Variants in TTLL5 observed in about 807,000 individuals in gnomAD.
The protein encoded by TTLL5 is tubulin tyrosine ligase like 5.
Under a neutral mutation model 168.4 loss-of-function variants are expected in TTLL5, and 132 were observed. The ratio of observed to expected loss-of-function variants is 0.78; its 90% confidence interval spans 0.68 to 0.91. The LOEUF (loss-of-function observed/expected upper bound fraction) is 0.91, where lower values mean the gene tolerates loss of function less well. Among genes scored for constraint, TTLL5 ranks in the 40% least tolerant of loss-of-function variants. The pLI, the probability that TTLL5 is intolerant of heterozygous loss-of-function variation, is 0.00. For synonymous variants in TTLL5, 546 were observed against 558.6 expected (o/e 0.98, Z 0.32); for missense variants, 1,545 against 1,581.5 (o/e 0.98, Z 0.39).
intron 18 of TTLL5, 139 bp from the exon 19 acceptor site, chr14:75,764,476 C>T (rs1036180904): frequency 3.1e-6 from 3 of 981,870 alleles, no homozygotes; most frequent in Admixed American, 2.4e-5. Context: ...TAGTGTTCCT[C>T]TTTATCTGTC....
chr14:75,860,028 T>C (rs1169103024), intron 28 of TTLL5, among the ~76,000 whole-genome samples: 2 of 152,216 alleles, frequency 1.3e-5, no homozygotes, highest in African/African-American at 4.8e-5. Context: ...GCTAAAAGCC[T>C]CTACTTGCTT....
intron 28 of TTLL5, among the ~76,000 whole-genome samples, chr14:75,832,744 G>A (rs1459282360): frequency 3.3e-5 from 5 of 152,122 alleles, no homozygotes; most frequent in African/African-American, 9.7e-5. Flanking sequence ...CCAGAATTGA[G>A]GTAAATCACC....
At chr14:75,722,926 T>G (rs9323619) in intron 12 of TTLL5, among the ~76,000 whole-genome samples, 113,870 of 152,110 alleles carry the variant, frequency 0.75, 42,900 homozygotes, top group Admixed American at 0.8. Flanking sequence ...TGTCACTTCT[T>G]TGGTGATGTT....
At chr14:75,805,081 C>G (rs1284838560) in intron 27 of TTLL5, among the ~76,000 whole-genome samples, 2 of 152,216 alleles carry the variant, frequency 1.3e-5, no homozygotes, top group African/African-American at 4.8e-5. Context: ...TACACACTTG[C>G]TCTTGCAGTC....
intron 29 of TTLL5, among the ~76,000 whole-genome samples, chr14:75,872,461 C>T (rs1285342690): frequency 2.0e-5 from 3 of 152,192 alleles, no homozygotes; most frequent in African/African-American, 7.2e-5. Context: ...CAGCTTACTA[C>T]TCAGTACCTC....
chr14:75,746,497 C>CT (rs1485367971), intron 17 of TTLL5, among the ~76,000 whole-genome samples: 1 of 149,966 alleles, frequency 6.7e-6, no homozygotes, highest in Non-Finnish European at 1.5e-5. Context: ...TGCATAATGT[C>CT]TTTTTTTCCC....
At chr14:75,945,716 A>G (rs2034752361) in intron 31 of TTLL5, among the ~76,000 whole-genome samples, 1 of 147,614 alleles carries the variant, frequency 6.8e-6, no homozygotes, top group Non-Finnish European at 1.5e-5. Flanking sequence ...AAATGGGACA[A>G]CATTTGAAGA....
intron 29 of TTLL5, among the ~76,000 whole-genome samples, chr14:75,878,303 A>T (rs1166333811): frequency 6.6e-6 from 1 of 152,214 alleles, no homozygotes; most frequent in Non-Finnish European, 1.5e-5. Flanking sequence ...AGAAATCTAG[A>T]GATAGGCTCT....
At chr14:75,893,468 G>A (rs1454177043) in intron 30 of TTLL5, among the ~76,000 whole-genome samples, 4 of 152,274 alleles carry the variant, frequency 2.6e-5, no homozygotes, top group South Asian at 2.1e-4. Context: ...CAATTACTTC[G>A]AAGTGTTGAT....
At chr14:75,763,605 C>T (rs961283850) in intron 18 of TTLL5, among the ~76,000 whole-genome samples, 32 of 152,124 alleles carry the variant, frequency 2.1e-4, no homozygotes, top group African/African-American at 7.0e-4. Flanking sequence ...TTAGATATTG[C>T]GTTTGAGCGT....
chr14:75,886,868 C>T (rs1395427429), intron 30 of TTLL5: 2 of 1,492,318 alleles, frequency 1.3e-6, no homozygotes, highest in East Asian at 2.5e-5. Flanking sequence ...GAGAAAGAAA[C>T]CTGAGGAGAT....
At chr14:75,669,944 T>C (rs1221000302) in intron 3 of TTLL5, among the ~76,000 whole-genome samples, 1 of 152,186 alleles carries the variant, frequency 6.6e-6, no homozygotes, top group African/African-American at 2.4e-5. Flanking sequence ...TGGCAACCAC[T>C]CATCTATTTT....
chr14:75,771,220 A>G (rs1050263028), intron 20 of TTLL5, among the ~76,000 whole-genome samples: 6 of 152,158 alleles, frequency 3.9e-5, no homozygotes, highest in African/African-American at 1.4e-4. Context: ...TGAGGCCAGG[A>G]GTTCGAGACC....
intron 14 of TTLL5, among the ~76,000 whole-genome samples, chr14:75,734,478 A>G (rs1367136266): frequency 6.6e-6 from 1 of 152,224 alleles, no homozygotes; most frequent in Non-Finnish European, 1.5e-5. Flanking sequence ...TTTTAAGTAG[A>G]TAAGCCAAAA....
intron 28 of TTLL5, among the ~76,000 whole-genome samples, chr14:75,829,296 CA>C (rs1314595694): frequency 1.3e-5 from 2 of 152,068 alleles, no homozygotes; most frequent in African/African-American, 4.8e-5. Context: ...CTGAGAGGAT[CA>C]AAGAATTGTA....
intron 23 of TTLL5, 137 bp from the exon 24 acceptor site, chr14:75,779,438 A>G: frequency 8.6e-7 from 1 of 1,169,436 alleles, no homozygotes; most frequent in Non-Finnish European, 1.2e-6. Context: ...TATTTTAACC[A>G]CCTATTAATA....
intron 30 of TTLL5, among the ~76,000 whole-genome samples, chr14:75,883,955 GC>G (rs1308345950): frequency 6.6e-6 from 1 of 152,168 alleles, no homozygotes; most frequent in African/African-American, 2.4e-5. Flanking sequence ...TAGCCAGACT[GC>G]CTGGATTCAC....
chr14:75,824,732 T>G (rs549170963), intron 28 of TTLL5, among the ~76,000 whole-genome samples: 6 of 152,126 alleles, frequency 3.9e-5, no homozygotes, highest in East Asian at 3.9e-4. Flanking sequence ...TATGTGTTTT[T>G]TTTTTTTTTT....
intron 30 of TTLL5, among the ~76,000 whole-genome samples, chr14:75,887,604 G>A (rs941270472): frequency 6.6e-6 from 1 of 152,156 alleles, no homozygotes. Flanking sequence ...GTACAACAAG[G>A]TACGCAGGTG....
Sources: gnomAD v4.1 joint callset for allele counts (sites outside exome capture counted in the v4.1 genomes callset) on GRCh38, gnomAD v4.1.1 for gene constraint, MANE v1.5 for transcripts, NCBI Gene and HGNC (gene_info 2026-07-23, HGNC 2026-07-21) for gene names.